Variants in NTM observed in about 807,000 individuals in gnomAD.
The protein encoded by NTM is IgLON family member 2.
Under a neutral mutation model 42.1 loss-of-function variants are expected in NTM, and 13 were observed. That is an observed-to-expected ratio of 0.31 (90% confidence interval 0.20 to 0.49). The LOEUF is 0.49. Ranked by LOEUF, NTM falls within the 20% of genes least tolerant of loss-of-function variation. The pLI is 0.99. For synonymous variants in NTM, 187 were observed against 179.2 expected (o/e 1.04, Z -0.35); for missense variants, 373 against 452.8 (o/e 0.82, Z 1.60).
intron 1 of NTM, among the ~76,000 whole-genome samples, chr11:131,816,893 AT>A (rs1296449361): frequency 6.6e-6 from 1 of 152,202 alleles, no homozygotes; most frequent in Non-Finnish European, 1.5e-5. Flanking sequence ...TAAATGTTAA[AT>A]TCATGTGGTT....
intron 2 of NTM, among the ~76,000 whole-genome samples, chr11:132,028,137 G>T (rs887205172): frequency 6.6e-6 from 1 of 150,942 alleles, no homozygotes; most frequent in Non-Finnish European, 1.5e-5. Flanking sequence ...TTTTCCATTA[G>T]AACTCTTAGC....
At chr11:131,492,498 T>A (rs907861668) in intron 1 of NTM, among the ~76,000 whole-genome samples, 1 of 152,142 alleles carries the variant, frequency 6.6e-6, no homozygotes, top group Non-Finnish European at 1.5e-5. Flanking sequence ...AAGAAAAATA[T>A]GTAGCTTAGA....
At chr11:131,832,001 G>A (rs1265474395) in intron 1 of NTM, among the ~76,000 whole-genome samples, 1 of 148,556 alleles carries the variant, frequency 6.7e-6, no homozygotes, top group Non-Finnish European at 1.5e-5. Flanking sequence ...ATATATATAT[G>A]TGAAATAATA....
At chr11:131,867,990 A>G (rs1423655920) in intron 1 of NTM, among the ~76,000 whole-genome samples, 1 of 152,114 alleles carries the variant, frequency 6.6e-6, no homozygotes, top group African/African-American at 2.4e-5. Flanking sequence ...GGAAACCCCA[A>G]ACACACCCTG....
At chr11:131,868,194 A>G (rs2047417636) in intron 1 of NTM, among the ~76,000 whole-genome samples, 1 of 152,240 alleles carries the variant, frequency 6.6e-6, no homozygotes, top group South Asian at 2.1e-4. Context: ...CTTTTGCTTT[A>G]CAGATGAGAA....
At chr11:131,871,899 G>T (rs1436344520) in intron 1 of NTM, among the ~76,000 whole-genome samples, 1 of 152,110 alleles carries the variant, frequency 6.6e-6, no homozygotes, top group African/African-American at 2.4e-5. Context: ...TTCTCCCTAT[G>T]AAGAATAAAG....
At chr11:131,917,737 T>A (rs2056618235) in intron 2 of NTM, among the ~76,000 whole-genome samples, 1 of 152,162 alleles carries the variant, frequency 6.6e-6, no homozygotes, top group Admixed American at 6.5e-5. Flanking sequence ...CCCACTGCCC[T>A]GCCCCCTCTC....
chr11:131,753,052 C>G lies in NTM; in HGVS notation c.83-158512C>G, dbSNP rs199971211. Among the ~76,000 whole-genome samples, 259 of 45,382 alleles carry G rather than the reference C, an allele frequency of 5.7e-3. 1 individual carries two copies. The highest frequency in any genetic ancestry group is 0.022 in the African/African-American group (254 of 11,568). 29.8% of individuals were successfully genotyped at this position (45,382 alleles called of 152,430 possible). A position where few individuals can be genotyped will look rare whatever the true frequency, so the allele number is the denominator to read the frequency against. On this transcript the variant is annotated intron_variant, in intron 1 of 8. Transcript: ENST00000683400. ...CACAAACAAATTTACAAGAAAAAAA[C>G]AAACAACCCCATCAAAAAGTGGGCA...
intron 1 of NTM, among the ~76,000 whole-genome samples, chr11:131,577,747 T>C (rs924557227): frequency 2.0e-5 from 3 of 152,216 alleles, no homozygotes; most frequent in Admixed American, 1.3e-4. Flanking sequence ...CCATGGAATT[T>C]TCTTCAGACT....
chr11:131,979,029 C>T (rs965865114), intron 2 of NTM, among the ~76,000 whole-genome samples: 7 of 152,032 alleles, frequency 4.6e-5, no homozygotes, highest in East Asian at 3.9e-4. Flanking sequence ...GCATGTAAAT[C>T]GCTCGCTCTT....
intron 3 of NTM, among the ~76,000 whole-genome samples, chr11:132,208,730 C>T (rs554656062): frequency 5.9e-5 from 9 of 152,104 alleles, no homozygotes; most frequent in Non-Finnish European, 7.4e-5. Flanking sequence ...ATTCATTACC[C>T]GGCCTGATTT....
rs559463613 is a variant in NTM, at chr11:131,741,829, G to A, written c.83-169735G>A. Among the ~76,000 whole-genome samples, 91 of 152,294 alleles carry A rather than the reference G, an allele frequency of 6.0e-4. 1 individual carries two copies. The highest frequency in any genetic ancestry group is 2.1e-3 in the African/African-American group (86 of 41,556). The stretch of plus-strand genomic sequence containing the variant: ...TCGAAGACACGGAATCAACCTAAAC[G>A]TCCATCAGTGGTAGATTGGATAAAG... On this transcript the variant is annotated intron_variant, in intron 1 of 8. Coordinates refer to ENST00000683400, the MANE Select transcript of NTM (RefSeq NM_001352005.2).
At chr11:131,847,118 C>A (rs375338014) in intron 1 of NTM, among the ~76,000 whole-genome samples, 1 of 152,008 alleles carries the variant, frequency 6.6e-6, no homozygotes, top group African/African-American at 2.4e-5. Context: ...CTATGGTTAT[C>A]TTTTCTATAA....
intron 1 of NTM, chr11:131,661,110 T>C (rs1205523529): frequency 8.6e-7 from 1 of 1,162,966 alleles, no homozygotes; most frequent in Admixed American, 2.4e-5. Flanking sequence ...TCCCCCTAGA[T>C]TCGGTGGAGA....
At chr11:132,292,834 G>A (rs1166057301) in intron 4 of NTM, among the ~76,000 whole-genome samples, 2 of 150,826 alleles carry the variant, frequency 1.3e-5, no homozygotes, top group African/African-American at 4.9e-5. Flanking sequence ...TTGGATCGGG[G>A]GATTTAAATC....
At chr11:131,969,358 C>A (rs914869946) in intron 2 of NTM, among the ~76,000 whole-genome samples, 2 of 152,250 alleles carry the variant, frequency 1.3e-5, no homozygotes, top group Non-Finnish European at 2.9e-5. Flanking sequence ...ATGGTGTTTT[C>A]TCTTCCTATG....
At chr11:132,101,442 C>A (rs1479106169) in intron 2 of NTM, among the ~76,000 whole-genome samples, 1 of 152,098 alleles carries the variant, frequency 6.6e-6, no homozygotes, top group Non-Finnish European at 1.5e-5. Flanking sequence ...GGAAGTTACA[C>A]AAAGACTAGC....
chr11:132,270,295 G>A lies in NTM; in HGVS notation c.527-37394G>A, dbSNP rs541243323. On this transcript the variant is annotated intron_variant, in intron 4 of 8. Coordinates refer to ENST00000683400, the MANE Select transcript of NTM (RefSeq NM_001352005.2). ...TGCCCAGGTTGGAGTGCAATAGCAC[G>A]ATATCGGCTCACTGCAACCTTTGCC... 1.5e-4 allele frequency among the ~76,000 whole-genome samples: 23 copies of A among 152,248 alleles called. No individual in the cohort carries two copies. In the South Asian group the frequency reaches 3.1e-3, roughly 21 times the overall value.
intron 1 of NTM, among the ~76,000 whole-genome samples, chr11:131,724,197 G>A (rs2078690694): frequency 6.6e-6 from 1 of 152,138 alleles, no homozygotes; most frequent in Non-Finnish European, 1.5e-5. Flanking sequence ...CCAGCTGCAG[G>A]GTGGCCAGGG....
Sources: allele counts gnomAD v4.1 joint callset (sites outside exome capture counted in the v4.1 genomes callset), GRCh38; gene constraint gnomAD v4.1.1; transcripts MANE v1.5; gene names NCBI Gene and HGNC (gene_info 2026-07-23, HGNC 2026-07-21).